The following KCNQ1OT1 variants were observed in gnomAD, a reference collection of about 807,000 sequenced individuals.
KCNQ1OT1 encodes the protein KCNQ1 opposite strand/antisense transcript 1.
At chr11:2,672,888 A>T (rs1269846356) in exon 1 of KCNQ1OT1, 1 of 398,678 alleles carries the variant, frequency 2.5e-6, no homozygotes, top group Non-Finnish European at 4.4e-6. Flanking sequence ...CTGTCAGGGG[A>T]GCAGTATGTG....
At position 2,661,346 on chromosome 11, in the gene KCNQ1OT1, T is replaced by C; in HGVS notation, n.38649A>G. On this transcript the variant is annotated non_coding_transcript_exon_variant, in exon 1 of 1. Coordinates refer to ENST00000597346, the Ensembl canonical transcript of KCNQ1OT1. This position sits in a 1 kb window ranked among gnomAD's most constrained non-coding sequence, Gnocchi z 5.9. ...AGGATCAGTATCCTGAGCTCCTGTG[T>C]CAAAGTTGCAGAGGTGGGCCCAGGA... The C allele has an allele frequency of 2.5e-6, 1 of 405,026 alleles. No homozygotes were observed. Among genetic ancestry groups the C allele is most frequent in the Non-Finnish European group, 4.4e-6 (1 of 229,438 alleles). The allele number at this position is 405,026 out of a possible 1,614,324, so 25.1% of individuals were successfully genotyped here. A position where few individuals can be genotyped will look rare whatever the true frequency, so the allele number is the denominator to read the frequency against.
chr11:2,695,235 C>T lies in KCNQ1OT1; in HGVS notation n.4760G>A, dbSNP rs1261899265. 2.5e-6 allele frequency: 1 copy of T among 398,524 alleles called. No homozygotes were observed. The highest frequency in any genetic ancestry group is 4.4e-5 in the Admixed American group (1 of 22,716). 24.7% of individuals were successfully genotyped at this position (398,524 alleles called of 1,614,324 possible). On this transcript the variant is annotated non_coding_transcript_exon_variant, in exon 1 of 1. Transcript: ENST00000597346. The surrounding 1 kb of genome is among the most constrained non-coding windows in gnomAD (Gnocchi z 5.2). ...AGGGTCTGCATAAAGTCACCGCTCT[C>T]TTCCTCTCCATGCTTTTCCACTTCA...
exon 1 of KCNQ1OT1, chr11:2,681,899 G>A (rs565585915): frequency 2.0e-5 from 8 of 398,518 alleles, no homozygotes; most frequent in East Asian, 7.1e-5. Flanking sequence ...AAAACACACC[G>A]GCCATAATGA....
Position 2,689,930 on chromosome 11 carries a change from G to A in KCNQ1OT1, n.10065C>T. ...CTCCAACTTCTGGTACTCCCAGGCT[G>A]CCTCACCCAACGATGACAGTGACTA... On this transcript the variant is annotated non_coding_transcript_exon_variant, in exon 1 of 1. Coordinates refer to ENST00000597346, the Ensembl canonical transcript of KCNQ1OT1. 3 of 398,818 alleles carry A rather than the reference G, an allele frequency of 7.5e-6. 1 individual carries two copies. The East Asian group carries it at 1.1e-4, about 14-fold the overall frequency. The allele number at this position is 398,818 out of a possible 1,614,324, so 24.7% of individuals were successfully genotyped here.
At position 2,658,629 on chromosome 11, in the gene KCNQ1OT1, T is replaced by A. The variant is rs939279233; in HGVS notation, n.41366A>T. On this transcript the variant is annotated non_coding_transcript_exon_variant, in exon 1 of 1. Transcript: ENST00000597346. This position sits in a 1 kb window ranked among gnomAD's most constrained non-coding sequence, Gnocchi z 4.9. ...AAAACCTGGATCTAGGCACGGGGTATGCTCGTGGCTACTAGGGTATCATTG... is the reference window on the plus strand; with the variant it reads ...AAAACCTGGATCTAGGCACGGGGTAAGCTCGTGGCTACTAGGGTATCATTG... The A allele has an allele frequency of 2.5e-6, 1 of 398,416 alleles. No individual in the cohort carries two copies. The highest frequency in any genetic ancestry group is 4.4e-6 in the Non-Finnish European group (1 of 226,042). 24.7% of individuals were successfully genotyped at this position (398,416 alleles called of 1,614,324 possible).
At chr11:2,619,200 T>C (rs1481598298) in exon 1 of KCNQ1OT1, 2 of 398,446 alleles carry the variant, frequency 5.0e-6, no homozygotes, top group African/African-American at 2.1e-5. Context: ...GTACTAGTAC[T>C]TCCAGTACTA....
exon 1 of KCNQ1OT1, chr11:2,655,447 A>G: frequency 2.5e-6 from 1 of 398,680 alleles, no homozygotes. Context: ...CAGTTCAGCA[A>G]AGGGCACCTG....
exon 1 of KCNQ1OT1, chr11:2,633,163 G>C: frequency 2.5e-6 from 1 of 398,480 alleles, no homozygotes; most frequent in South Asian, 1.3e-4. Flanking sequence ...TCTGTGATGA[G>C]AGATGTTGAG....
chr11:2,660,849 T>C, exon 1 of KCNQ1OT1: 1 of 398,668 alleles, frequency 2.5e-6, no homozygotes, highest in Non-Finnish European at 4.4e-6. Flanking sequence ...TGCTCCAGTA[T>C]GTCAGCTTTT....
chr11:2,628,393 T>C (rs892616747), exon 1 of KCNQ1OT1: 2 of 398,414 alleles, frequency 5.0e-6, no homozygotes, highest in African/African-American at 4.1e-5. Flanking sequence ...ATAAGTGATG[T>C]TAAGCACCTT....
chr11:2,697,088 G>A (rs1031534910), exon 1 of KCNQ1OT1: 9 of 398,324 alleles, frequency 2.3e-5, no homozygotes, highest in African/African-American at 1.6e-4. Context: ...GACATTATTT[G>A]CCTTTTCTTT....
exon 1 of KCNQ1OT1, chr11:2,630,478 T>C (rs1357710639): frequency 7.5e-6 from 3 of 398,398 alleles, no homozygotes; most frequent in Non-Finnish European, 4.4e-6. Flanking sequence ...TTTGATCTTA[T>C]ACTTCCCCCG....
In KCNQ1OT1 at chr11:2,658,187, A is replaced by G. The variant is rs1287117346; in HGVS notation, n.41808T>C. ...CAAGGAAGAAACTGTGAAGTTTCTG[A>G]GTTTCACTAACTAATTTCAGCATTC... On this transcript the variant is annotated non_coding_transcript_exon_variant, in exon 1 of 1. Coordinates refer to ENST00000597346, the Ensembl canonical transcript of KCNQ1OT1. The surrounding 1 kb of genome is among the most constrained non-coding windows in gnomAD (Gnocchi z 4.9). 4 of 398,496 alleles carry G rather than the reference A, an allele frequency of 1.0e-5. No homozygotes were observed. The highest frequency in any genetic ancestry group is 1.8e-5 in the Non-Finnish European group (4 of 226,046). 24.7% of individuals were successfully genotyped at this position (398,496 alleles called of 1,614,324 possible). A position where few individuals can be genotyped will look rare whatever the true frequency, so the allele number is the denominator to read the frequency against.
At position 2,626,044 on chromosome 11, in the gene KCNQ1OT1, A is replaced by T; in HGVS notation, n.73951T>A. 5.0e-6 allele frequency: 2 copies of T among 398,626 alleles called. No homozygotes were observed. Among genetic ancestry groups the T allele is most frequent in the Middle Eastern group, 6.3e-4 (1 of 1,588 alleles). The allele number at this position is 398,626 out of a possible 1,614,324, so 24.7% of individuals were successfully genotyped here. ...AATGCACACAATGTAAATTTTTAAA[A>T]TTTATCTAGTTTTACTTTTATTGCC... On this transcript the variant is annotated non_coding_transcript_exon_variant, in exon 1 of 1. Transcript: ENST00000597346. This position sits in a 1 kb window ranked among gnomAD's most constrained non-coding sequence, Gnocchi z 4.0.
chr11:2,618,539 A>G (rs1020268451), exon 1 of KCNQ1OT1: 21 of 398,392 alleles, frequency 5.3e-5, no homozygotes, highest in Non-Finnish European at 8.8e-5. Context: ...TGGGCTCTCT[A>G]TTCTGTTCCA....
At position 2,653,817 on chromosome 11, in the gene KCNQ1OT1, C is replaced by T; in HGVS notation, n.46178G>A. The stretch of plus-strand genomic sequence containing the variant: ...TACCTCCGATGGCTGAGGCAAGGTC[C>T]ACAGGGACCCCTTTGGGGATGGCCA... On this transcript the variant is annotated non_coding_transcript_exon_variant, in exon 1 of 1. Coordinates refer to ENST00000597346, the Ensembl canonical transcript of KCNQ1OT1. The surrounding 1 kb of genome is among the most constrained non-coding windows in gnomAD (Gnocchi z 5.3). The T allele has an allele frequency of 2.5e-6, 1 of 398,676 alleles. No individual in the cohort carries two copies. Among genetic ancestry groups the T allele is most frequent in the Non-Finnish European group, 4.4e-6 (1 of 226,104 alleles). The allele number at this position is 398,676 out of a possible 1,614,324, so 24.7% of individuals were successfully genotyped here.
At chr11:2,615,102 T>A in exon 1 of KCNQ1OT1, 1 of 398,326 alleles carries the variant, frequency 2.5e-6, no homozygotes, top group African/African-American at 2.1e-5. Context: ...AGTGCAGAAG[T>A]CTTTCACCTT....
In KCNQ1OT1 at chr11:2,624,045, G is replaced by A; in HGVS notation, n.75950C>T. 1 of 399,454 alleles carries A rather than the reference G, an allele frequency of 2.5e-6. No individual in the cohort carries two copies. 24.7% of individuals were successfully genotyped at this position (399,454 alleles called of 1,614,324 possible). On this transcript the variant is annotated non_coding_transcript_exon_variant, in exon 1 of 1. Transcript: ENST00000597346. This position sits in a 1 kb window ranked among gnomAD's most constrained non-coding sequence, Gnocchi z 4.9. ...TTGCATTCCCACCAGCAATGGATGA[G>A]TGTTCCTGTTGCCCCACATATTGGC...
At position 2,691,029 on chromosome 11, in the gene KCNQ1OT1, A is replaced by C. The variant is rs1237901654; in HGVS notation, n.8966T>G. ...AAAGCTCTGGGTGAACTCTTGGCTCAGGTATCAGGATATGCTGGGTGAGGG... is the reference window on the plus strand; with the variant it reads ...AAAGCTCTGGGTGAACTCTTGGCTCCGGTATCAGGATATGCTGGGTGAGGG... On this transcript the variant is annotated non_coding_transcript_exon_variant, in exon 1 of 1. Transcript: ENST00000597346. The surrounding 1 kb of genome is among the most constrained non-coding windows in gnomAD (Gnocchi z 6.4). 1 of 398,672 alleles carries C rather than the reference A, an allele frequency of 2.5e-6. No individual in the cohort carries two copies. Among genetic ancestry groups the C allele is most frequent in the Non-Finnish European group, 4.4e-6 (1 of 226,088 alleles). The allele number at this position is 398,672 out of a possible 1,614,324, so 24.7% of individuals were successfully genotyped here. A position where few individuals can be genotyped will look rare whatever the true frequency, so the allele number is the denominator to read the frequency against.
Sources: gnomAD v4.1 joint callset for allele counts on GRCh38, gnomAD v4.1.1 for gene constraint, Gnocchi (gnomAD v3.1) non-coding constraint, MANE v1.5 for transcripts, NCBI Gene and HGNC (gene_info 2026-07-23, HGNC 2026-07-21) for gene names.